PRDM16: variants seen among roughly 807,000 people sequenced by gnomAD.
PRDM16 encodes the protein histone-lysine N-methyltransferase PRDM16.
PRDM16 carries 23 observed loss-of-function variants against 110.6 expected under a neutral mutation model. That is an observed-to-expected ratio of 0.21 (90% CI 0.15 to 0.29). PRDM16 has a LOEUF of 0.29. PRDM16 is among the 10% of genes least tolerant of loss of function. PRDM16 has a pLI of 1.00. For missense variants in PRDM16, 1,615 were observed against 1,794.3 expected, an observed-to-expected ratio of 0.90 and a Z score of 1.81; for synonymous variants, 799 against 781.8, an observed-to-expected ratio of 1.02 and a Z score of -0.37.
chr1:3,341,241 G>A (rs1570104048), intron 3 of PRDM16, among the ~76,000 whole-genome samples: 1 of 152,184 alleles, frequency 6.6e-6, no homozygotes, highest in South Asian at 2.1e-4. Context: ...GGCAGATGGC[G>A]GCTGTCTTAC....
chr1:3,144,990 G>A (rs755994931), intron 1 of PRDM16, among the ~76,000 whole-genome samples: 2 of 152,158 alleles, frequency 1.3e-5, no homozygotes, highest in African/African-American at 2.4e-5. Context: ...TCACCTGAGC[G>A]AGAAATGCTG....
In PRDM16 at chr1:3,412,762, C is replaced by T. The variant is rs769253322; in HGVS notation, c.2565C>T (p.Tyr855=). 12 of 1,495,884 alleles carry T rather than the reference C, an allele frequency of 8.0e-6. No individual in the cohort carries two copies. The highest frequency in any genetic ancestry group is 5.0e-5 in the East Asian group (2 of 39,898). The allele number at this position is 1,495,884 out of a possible 1,614,324, so 92.7% of individuals were successfully genotyped here. Residue 855 remains tyrosine (Y), a synonymous_variant, in exon 9 of 17, where the codon TAC becomes TAT. Coordinates refer to ENST00000270722, the MANE Select transcript of PRDM16 (RefSeq NM_022114.4). ...TGCCCCAGCAGCCCCCGCTCCACTACGCCAAGCCCTCGCCCTTCTTCATGG... is the reference window on the plus strand; with the variant it reads ...TGCCCCAGCAGCCCCCGCTCCACTATGCCAAGCCCTCGCCCTTCTTCATGG... ...ARMPQQPPLH[Y]AKPSPFFMDP... is the part of the protein sequence containing the mutation.
intron 1 of PRDM16, among the ~76,000 whole-genome samples, chr1:3,070,935 C>A (rs1641741330): frequency 6.6e-6 from 1 of 152,242 alleles, no homozygotes; most frequent in South Asian, 2.1e-4. Context: ...TGACCTCTGA[C>A]CCCTCTTGGT....
chr1:3,321,230 GCA>G (rs144307164), intron 3 of PRDM16, among the ~76,000 whole-genome samples: 11,690 of 152,168 alleles, frequency 0.077, 1,441 homozygotes, highest in African/African-American at 0.26. Flanking sequence ...GAGCATGTGT[GCA>G]CACACGCGTG....
chr1:3,415,596 C>G (rs1249336737), intron 10 of PRDM16, among the ~76,000 whole-genome samples: 3 of 152,252 alleles, frequency 2.0e-5, no homozygotes, highest in African/African-American at 7.2e-5. Context: ...GCCAGCCAGG[C>G]GCATCCTGCG....
At chr1:3,197,262 C>T (rs1341095603) in intron 2 of PRDM16, among the ~76,000 whole-genome samples, 2 of 152,184 alleles carry the variant, frequency 1.3e-5, no homozygotes, top group South Asian at 2.1e-4. Context: ...AGCCCAGGGT[C>T]CCGACCCCCA....
intron 1 of PRDM16, among the ~76,000 whole-genome samples, chr1:3,117,837 G>A (rs911131512): frequency 7.9e-5 from 12 of 152,092 alleles, no homozygotes; most frequent in African/African-American, 2.4e-4. Flanking sequence ...AGAGGCCTCC[G>A]CACATTCATG....
In PRDM16 at chr1:3,390,023, G is replaced by C. The variant is rs1405978208; in HGVS notation, c.573+4737G>C. On this transcript the variant is annotated intron_variant, in intron 4 of 16. Coordinates refer to ENST00000270722, the MANE Select transcript of PRDM16 (RefSeq NM_022114.4). This position sits in a 1 kb window ranked among gnomAD's most constrained non-coding sequence, Gnocchi z 5.0. ...TTCAAGACACTCAGATCACCCCTGG[G>C]TGGTTCTTTCTCCTGTAATTATGAA... 6.8e-6 allele frequency among the ~76,000 whole-genome samples: 1 copy of C among 146,986 alleles called. No homozygotes were observed. Among genetic ancestry groups the C allele is most frequent in the Non-Finnish European group, 1.5e-5 (1 of 67,434 alleles).
intron 1 of PRDM16, among the ~76,000 whole-genome samples, chr1:3,097,432 C>G (rs1350708911): frequency 6.6e-6 from 1 of 152,266 alleles, no homozygotes; most frequent in African/African-American, 2.4e-5. Context: ...GGCTGCCGCC[C>G]CGTGCCCTGA....
chr1:3,095,853 G>C (rs895963134), intron 1 of PRDM16, among the ~76,000 whole-genome samples: 7 of 152,104 alleles, frequency 4.6e-5, no homozygotes, highest in Admixed American at 6.5e-5. Flanking sequence ...TCATATCACA[G>C]CTCACTGTGC....
intron 1 of PRDM16, among the ~76,000 whole-genome samples, chr1:3,152,916 C>T (rs966694487): frequency 2.6e-5 from 4 of 152,212 alleles, no homozygotes; most frequent in African/African-American, 9.6e-5. Context: ...CAAGCCCAGA[C>T]CAGAAGACAG....
chr1:3,251,472 G>A (rs1044178626), intron 3 of PRDM16, among the ~76,000 whole-genome samples: 1 of 152,126 alleles, frequency 6.6e-6, no homozygotes, highest in Admixed American at 6.5e-5. Flanking sequence ...GACCAGTCAG[G>A]GTGGTGGGAA....
At chr1:3,218,952 A>G (rs1357789503) in intron 2 of PRDM16, among the ~76,000 whole-genome samples, 1 of 152,152 alleles carries the variant, frequency 6.6e-6, no homozygotes, top group African/African-American at 2.4e-5. Context: ...GCCAATCCCA[A>G]TGGCTTTCCG....
chr1:3,182,049 G>A (rs1017620199), intron 1 of PRDM16, among the ~76,000 whole-genome samples: 4 of 152,246 alleles, frequency 2.6e-5, no homozygotes, highest in Non-Finnish European at 4.4e-5. Flanking sequence ...ATACTCATGG[G>A]ATGCTCACAT....
chr1:3,339,265 A>G lies in PRDM16; in HGVS notation c.439-45887A>G, dbSNP rs1027634184. On this transcript the variant is annotated intron_variant, in intron 3 of 16. Transcript: ENST00000270722. The surrounding 1 kb of genome is among the most constrained non-coding windows in gnomAD (Gnocchi z 5.0). ...GGGAGACAGCTCACCCACCCACCAC[A>G]GTACCATCAAAGACAGACGTCCTGC... Among the ~76,000 whole-genome samples, 1 of 151,872 alleles carries G rather than the reference A, an allele frequency of 6.6e-6. No homozygotes were observed. The highest frequency in any genetic ancestry group is 1.5e-5 in the Non-Finnish European group (1 of 67,962).
chr1:3,296,304 A>G (rs1470275820), intron 3 of PRDM16, among the ~76,000 whole-genome samples: 2 of 152,166 alleles, frequency 1.3e-5, no homozygotes, highest in Non-Finnish European at 2.9e-5. Context: ...CCTCCTAGAG[A>G]GGTGCTCAGA....
At position 3,411,458 on chromosome 1, in the gene PRDM16, A is replaced by G; in HGVS notation, c.1261A>G (p.Thr421Ala). The change falls in exon 9 of 17, where the codon ACG (threonine) becomes GCG (alanine). Residue 421 changes from threonine (T) to alanine (A), a missense_variant. Physicochemically the swap from Thr to Ala is moderately conservative, Grantham distance 58. This residue lies in a region of PRDM16 where 82 missense variants were observed against 144.4 expected (regional missense o/e 0.57). Transcript: ENST00000270722. Reference protein sequence around the residue: ...RHKRMHADCRTQIKCKDCGQM... With the variant: ...RHKRMHADCRAQIKCKDCGQM... ...CAAGCGGATGCACGCCGACTGCCGC[A>G]CGCAGATCAAGTGCAAGGACTGTGG... 1 of 1,614,192 alleles carries G rather than the reference A, an allele frequency of 6.2e-7. No individual in the cohort carries two copies. The highest frequency in any genetic ancestry group is 8.5e-7 in the Non-Finnish European group (1 of 1,180,030).
At chr1:3,352,690 T>G (rs1018506127) in intron 3 of PRDM16, among the ~76,000 whole-genome samples, 6 of 152,224 alleles carry the variant, frequency 3.9e-5, no homozygotes, top group African/African-American at 1.4e-4. Flanking sequence ...TGTCAGGCCG[T>G]TCAGGCCCTA....
intron 1 of PRDM16, among the ~76,000 whole-genome samples, chr1:3,095,402 G>T (rs1642373504): frequency 6.6e-6 from 1 of 152,130 alleles, no homozygotes; most frequent in Non-Finnish European, 1.5e-5. Flanking sequence ...CTACCCTCAT[G>T]GGTCAGATGG....
Sources: allele counts gnomAD v4.1 joint callset (sites outside exome capture counted in the v4.1 genomes callset), GRCh38; gene constraint gnomAD v4.1.1; regional missense constraint gnomAD v4.1.1; non-coding constraint Gnocchi (gnomAD v3.1); transcripts MANE v1.5; gene names NCBI Gene and HGNC (gene_info 2026-07-23, HGNC 2026-07-21).